Variants in ADK observed in about 807,000 individuals in gnomAD.
ADK encodes the protein adenosine kinase.
ADK carries 24 observed loss-of-function variants against 44.7 expected under a neutral mutation model. The observed-to-expected ratio is 0.54, with a 90% CI of 0.39 to 0.76. The LOEUF is 0.76. Among genes scored for constraint, ADK ranks in the 30% least tolerant of loss-of-function variants. ADK has a pLI of 0.00. For missense variants in ADK, 321 were observed against 425.1 expected (o/e 0.76, Z 2.15); for synonymous variants, 128 against 142.6 (o/e 0.90, Z 0.73).
At chr10:74,614,830 C>T (rs1181717888) in intron 9 of ADK, among the ~76,000 whole-genome samples, 1 of 152,170 alleles carries the variant, frequency 6.6e-6, no homozygotes, top group African/African-American at 2.4e-5. Flanking sequence ...TCTAGATATG[C>T]TCTTTGTTCC....
At position 74,492,406 on chromosome 10, in the gene ADK, G is replaced by C. The variant is rs543438122; in HGVS notation, c.556-32850G>C. On this transcript the variant is annotated intron_variant, in intron 6 of 10. Transcript: ENST00000539909. The stretch of plus-strand genomic sequence containing the variant: ...CACTTGAGCCCAAGAGTTCGAGTCT[G>C]ACCTGGGCAACATAATAAGACTCTG... Among the ~76,000 whole-genome samples, 3 of 152,090 alleles carry C rather than the reference G, an allele frequency of 2.0e-5. No individual in the cohort carries two copies. In the South Asian group the frequency reaches 6.2e-4, roughly 32 times the overall value.
intron 6 of ADK, among the ~76,000 whole-genome samples, chr10:74,417,805 C>T (rs1483072370): frequency 6.6e-6 from 1 of 151,542 alleles, no homozygotes; most frequent in African/African-American, 2.4e-5. Flanking sequence ...TTCACGAGCC[C>T]TGACTGCTTC....
chr10:74,255,076 A>G (rs1005410594), intron 3 of ADK, among the ~76,000 whole-genome samples: 1 of 152,208 alleles, frequency 6.6e-6, no homozygotes, highest in African/African-American at 2.4e-5. Context: ...CATGGAGGAA[A>G]AAAGGACAGC....
At chr10:74,214,841 T>C (rs1266911127) in intron 2 of ADK, among the ~76,000 whole-genome samples, 1 of 152,226 alleles carries the variant, frequency 6.6e-6, no homozygotes, top group African/African-American at 2.4e-5. Context: ...TGTTAAATAA[T>C]GCGCTGGACA....
intron 3 of ADK, among the ~76,000 whole-genome samples, chr10:74,238,803 A>G (rs1006200086): frequency 6.6e-6 from 1 of 151,820 alleles, no homozygotes; most frequent in East Asian, 1.9e-4. Context: ...AAGAAGATAG[A>G]AAAATACATT....
At chr10:74,595,176 CAAAAA>C (rs781407492) in intron 8 of ADK, among the ~76,000 whole-genome samples, 2 of 29,608 alleles carry the variant, frequency 6.8e-5, no homozygotes, top group South Asian at 1.1e-3. Context: ...AACTCCATCT[CAAAAA>C]AAAAAAAAAA....
chr10:74,610,541 A>C (rs112325257), intron 9 of ADK, among the ~76,000 whole-genome samples: 52 of 152,318 alleles, frequency 3.4e-4, no homozygotes, highest in African/African-American at 1.2e-3. Context: ...CTGTATATTC[A>C]ACAATGCTTA....
chr10:74,687,600 C>T (rs1855839485), intron 10 of ADK, among the ~76,000 whole-genome samples: 1 of 152,160 alleles, frequency 6.6e-6, no homozygotes, highest in African/African-American at 2.4e-5. Flanking sequence ...TGTCCACTAC[C>T]TTCTTCCCAT....
chr10:74,398,691 ATC>A (rs1395366155), intron 6 of ADK, 112 bp downstream of exon 6: 2 of 599,778 alleles, frequency 3.3e-6, no homozygotes, highest in East Asian at 6.2e-5. Context: ...CAAATTATTT[ATC>A]TCTCTCAAAG....
intron 7 of ADK, among the ~76,000 whole-genome samples, chr10:74,565,727 CA>C (rs398014155): frequency 0.023 from 1,437 of 63,346 alleles, 5 homozygotes; most frequent in African/African-American, 0.061. Flanking sequence ...AACTCCGTCT[CA>C]AAAAAAAAAA....
At chr10:74,369,821 G>C (rs1842604088) in intron 4 of ADK, among the ~76,000 whole-genome samples, 2 of 152,092 alleles carry the variant, frequency 1.3e-5, no homozygotes, top group South Asian at 4.1e-4. Flanking sequence ...AGTGCTTCTA[G>C]ATTAAAAAAC....
rs1312964318 is a variant in ADK at position 74,191,097 on chromosome 10, C to T, written c.66-9667C>T. Among the ~76,000 whole-genome samples, 13 of 150,914 alleles carry T rather than the reference C, an allele frequency of 8.6e-5. No homozygotes were observed. The Admixed American group carries it at 8.7e-4, about 10-fold the overall frequency. Reference sequence around the variant, plus strand: ...CCAGGTTCAAACGATTCCCCTGCTTCAGCCTCTGGAGTATCTGGGATTATA... The same window carrying T: ...CCAGGTTCAAACGATTCCCCTGCTTTAGCCTCTGGAGTATCTGGGATTATA... On this transcript the variant is annotated intron_variant, in intron 1 of 10. Transcript: ENST00000539909.
chr10:74,438,312 C>T (rs1055917606), intron 6 of ADK, among the ~76,000 whole-genome samples: 2 of 151,870 alleles, frequency 1.3e-5, no homozygotes, highest in African/African-American at 2.4e-5. Flanking sequence ...GCAACCTCCA[C>T]CTCCCGAGTT....
intron 5 of ADK, among the ~76,000 whole-genome samples, chr10:74,395,389 T>A (rs961495673): frequency 5.3e-5 from 8 of 152,314 alleles, no homozygotes; most frequent in African/African-American, 1.9e-4. Context: ...GCACAGTATT[T>A]ACTAAATAAC....
chr10:74,448,187 G>T (rs1226800755), intron 6 of ADK, among the ~76,000 whole-genome samples: 1 of 122,458 alleles, frequency 8.2e-6, no homozygotes, highest in Non-Finnish European at 1.8e-5. Flanking sequence ...AAATAAATAA[G>T]AGTTAGGTTT....
At chr10:74,473,916 G>A (rs987446238) in intron 6 of ADK, among the ~76,000 whole-genome samples, 2 of 152,004 alleles carry the variant, frequency 1.3e-5, no homozygotes, top group Non-Finnish European at 2.9e-5. Context: ...AAATATTAGT[G>A]GAGAGATATT....
At chr10:74,472,433 A>G (rs923169830) in intron 6 of ADK, among the ~76,000 whole-genome samples, 2 of 152,004 alleles carry the variant, frequency 1.3e-5, no homozygotes, top group African/African-American at 4.8e-5. Flanking sequence ...GTGATGTCTG[A>G]TAAGATTCTT....
At chr10:74,186,254 C>T (rs978191123) in intron 1 of ADK, among the ~76,000 whole-genome samples, 3 of 151,138 alleles carry the variant, frequency 2.0e-5, no homozygotes, top group African/African-American at 7.3e-5. Context: ...TTCCGCCTTT[C>T]CCCTTTCCCT....
At chr10:74,683,884 G>T (rs1009837657) in intron 10 of ADK, among the ~76,000 whole-genome samples, 4 of 152,244 alleles carry the variant, frequency 2.6e-5, no homozygotes, top group South Asian at 2.1e-4. Context: ...CAACCTTATC[G>T]ATGGGCCTCT....
Sources: allele counts gnomAD v4.1 joint callset (sites outside exome capture counted in the v4.1 genomes callset), GRCh38; gene constraint gnomAD v4.1.1; transcripts MANE v1.5; gene names NCBI Gene and HGNC (gene_info 2026-07-23, HGNC 2026-07-21).